Variants in NCOA1 observed in about 807,000 individuals in gnomAD.
NCOA1 encodes the protein Hin-2 protein.
A neutral mutation model predicts 150.9 loss-of-function variants in NCOA1; 35 were observed. The ratio of observed to expected loss-of-function variants is 0.23; its 90% CI spans 0.18 to 0.31. NCOA1 has a LOEUF of 0.31. Ranked by LOEUF, NCOA1 falls within the 10% of genes least tolerant of loss-of-function variation. The pLI is 1.00. For synonymous variants in NCOA1, 590 were observed against 630.0 expected (o/e 0.94, Z 0.95); for missense variants, 1,491 against 1,749.3 (o/e 0.85, Z 2.63).
At chr2:24,561,341 C>CA (rs1470061565) in intron 1 of NCOA1, among the ~76,000 whole-genome samples, 1 of 151,750 alleles carries the variant, frequency 6.6e-6, no homozygotes, top group African/African-American at 2.4e-5. Context: ...AGCATGTATT[C>CA]AAAAAATGAA....
intron 2 of NCOA1, among the ~76,000 whole-genome samples, chr2:24,576,364 G>GTCC (rs942509193): frequency 1.3e-5 from 2 of 151,862 alleles, no homozygotes; most frequent in African/African-American, 4.8e-5. Flanking sequence ...CCCACTAAGT[G>GTCC]TCAATCTTTG....
intron 3 of NCOA1, among the ~76,000 whole-genome samples, chr2:24,591,245 A>C (rs1667644516): frequency 6.6e-6 from 1 of 152,202 alleles, no homozygotes; most frequent in Non-Finnish European, 1.5e-5. Flanking sequence ...TGGACCAAGA[A>C]TTTAGAACTC....
chr2:24,493,819 G>C (rs1663081833), intron 1 of NCOA1, among the ~76,000 whole-genome samples: 1 of 152,226 alleles, frequency 6.6e-6, no homozygotes, highest in South Asian at 2.1e-4. Flanking sequence ...AGGGTAGCAT[G>C]AAGCGGGTGT....
intron 1 of NCOA1, among the ~76,000 whole-genome samples, chr2:24,539,428 T>G (rs1237915773): frequency 6.6e-6 from 1 of 152,204 alleles, no homozygotes; most frequent in Non-Finnish European, 1.5e-5. Flanking sequence ...TAGGTGTGGC[T>G]GCTTCATGAG....
At chr2:24,630,770 G>C (rs1181842678) in intron 3 of NCOA1, among the ~76,000 whole-genome samples, 1 of 152,028 alleles carries the variant, frequency 6.6e-6, no homozygotes, top group Non-Finnish European at 1.5e-5. Flanking sequence ...AAAGCATTTT[G>C]TAATCATAAA....
intron 1 of NCOA1, among the ~76,000 whole-genome samples, chr2:24,521,849 A>G (rs1023859508): frequency 6.6e-6 from 1 of 152,108 alleles, no homozygotes; most frequent in Non-Finnish European, 1.5e-5. Flanking sequence ...TCTCACCAAC[A>G]ATGTATAAGG....
intron 20 of NCOA1, among the ~76,000 whole-genome samples, chr2:24,757,563 G>C (rs947397917): frequency 5.3e-5 from 8 of 151,984 alleles, no homozygotes; most frequent in Non-Finnish European, 8.8e-5. Flanking sequence ...ATTCATTCGT[G>C]TGTTAATTCA....
In NCOA1 at chr2:24,739,970, C is replaced by CT. The variant is rs200840030; in HGVS notation, c.3303+448dup. Among the ~76,000 whole-genome samples the CT allele has an allele frequency of 1.4e-3, 196 of 145,040 alleles. 1 individual carries two copies. In the East Asian group the frequency reaches 0.017, roughly 12 times the overall value. On this transcript the variant is annotated intron_variant, in intron 18 of 22. Coordinates refer to ENST00000348332, the MANE Select transcript of NCOA1 (RefSeq NM_003743.5). ...TAGCTTGTATTTATTTTTTAAATCC[C>CT]TTTTTTTTTTTAATAAACCCAGAGC... is the stretch of plus-strand genomic sequence containing the variant.
rs1672748337 is a variant in NCOA1 at position 24,693,159 on chromosome 2, G to A, written c.713-93G>A. ...GTGAGCCACCACGTCTGGCCAACAT[G>A]TATTGTTTTTATGAAAACCATTAAT... On this transcript the variant is annotated intron_variant, in intron 9 of 22. Coordinates refer to ENST00000348332, the MANE Select transcript of NCOA1 (RefSeq NM_003743.5). The A allele has an allele frequency of 1.2e-4, 149 of 1,255,658 alleles. No homozygotes were observed. In the South Asian group the frequency reaches 1.7e-3, roughly 14 times the overall value. 77.8% of individuals were successfully genotyped at this position (1,255,658 alleles called of 1,614,324 possible).
chr2:24,538,083 ATGTT>A (rs1244421175), intron 1 of NCOA1, among the ~76,000 whole-genome samples: 3 of 152,162 alleles, frequency 2.0e-5, no homozygotes, highest in Admixed American at 6.5e-5. Context: ...AGCTTTTTAA[ATGTT>A]TGTTTTTAGT....
Position 24,768,516 on chromosome 2 carries a change from CAAAAAAAA to C in NCOA1, c.*143_*150del, listed in dbSNP as rs772970404. 3.4e-3 allele frequency: 186 copies of C among 55,198 alleles called. No homozygotes were observed. The highest frequency in any genetic ancestry group is 0.021 in the Middle Eastern group (3 of 146). 3.4% of individuals were successfully genotyped at this position (55,198 alleles called of 1,614,324 possible). A position where few individuals can be genotyped will look rare whatever the true frequency, so the allele number is the denominator to read the frequency against. On this transcript the variant is annotated 3_prime_UTR_variant, in exon 23 of 23. Coordinates refer to ENST00000348332, the MANE Select transcript of NCOA1 (RefSeq NM_003743.5). ...ATTCTTCAGGTCGTAGCATTTGGAG[CAAAAAAAA>C]AAAAAAAAAAAAAAAAAGGAGTTTG...
At chr2:24,687,680 C>G (rs1190425882) in intron 8 of NCOA1, among the ~76,000 whole-genome samples, 3 of 152,122 alleles carry the variant, frequency 2.0e-5, no homozygotes, top group African/African-American at 7.2e-5. Context: ...ATAAAACCAT[C>G]AGATCTCTTG....
At chr2:24,647,586 G>T (rs1670530780) in intron 4 of NCOA1, among the ~76,000 whole-genome samples, 1 of 152,052 alleles carries the variant, frequency 6.6e-6, no homozygotes, top group African/African-American at 2.4e-5. Flanking sequence ...TGTCAAAATG[G>T]AAATAATAAT....
intron 22 of NCOA1, among the ~76,000 whole-genome samples, chr2:24,765,145 C>G (rs1450448897): frequency 6.6e-6 from 1 of 151,292 alleles, no homozygotes; most frequent in African/African-American, 2.4e-5. Context: ...CCACTGCACT[C>G]TATCTTGGGC....
At chr2:24,708,364 C>A (rs1673567594) in intron 13 of NCOA1, among the ~76,000 whole-genome samples, 1 of 152,088 alleles carries the variant, frequency 6.6e-6, no homozygotes, top group Admixed American at 6.6e-5. Context: ...TCCTTCTCAT[C>A]TGATTCTGAC....
At chr2:24,599,943 T>C (rs1479080427) in intron 3 of NCOA1, among the ~76,000 whole-genome samples, 1 of 151,786 alleles carries the variant, frequency 6.6e-6, no homozygotes, top group Non-Finnish European at 1.5e-5. Flanking sequence ...GTTGGCCAGG[T>C]TGGTCTCGAA....
chr2:24,609,866 A>G (rs1668544836), intron 3 of NCOA1, among the ~76,000 whole-genome samples: 1 of 152,020 alleles, frequency 6.6e-6, no homozygotes, highest in East Asian at 1.9e-4. Context: ...TGATTTTGAA[A>G]TGTAGCGTTT....
chr2:24,721,377 T>G (rs1459103358), intron 14 of NCOA1, among the ~76,000 whole-genome samples: 1 of 152,228 alleles, frequency 6.6e-6, no homozygotes, highest in East Asian at 1.9e-4. Context: ...TTCTTGAATG[T>G]TTGGTAAATT....
chr2:24,652,306 C>T (rs1328403178), intron 4 of NCOA1, among the ~76,000 whole-genome samples: 2 of 151,826 alleles, frequency 1.3e-5, no homozygotes, highest in Admixed American at 6.6e-5. Context: ...TTTCAAAGAC[C>T]CTTACGTGTC....
Sources: allele counts gnomAD v4.1 joint callset (sites outside exome capture counted in the v4.1 genomes callset), GRCh38; gene constraint gnomAD v4.1.1; transcripts MANE v1.5; gene names NCBI Gene and HGNC (gene_info 2026-07-23, HGNC 2026-07-21).